TACR1: variants seen among roughly 807,000 people sequenced by gnomAD.
The protein encoded by TACR1 is substance-P receptor.
Under a neutral mutation model 35.8 loss-of-function variants are expected in TACR1, and 25 were observed. The observed-to-expected ratio is 0.70, with a 90% CI of 0.51 to 0.98. TACR1 has a LOEUF of 0.98. Among genes scored for constraint, TACR1 ranks in the 50% least tolerant of loss-of-function variants. The pLI, the probability that TACR1 is intolerant of heterozygous loss-of-function variation, is 0.00. For missense variants in TACR1, 478 were observed against 522.9 expected (o/e 0.91, Z 0.84); for synonymous variants, 195 against 206.7 (o/e 0.94, Z 0.48).
intron 1 of TACR1, among the ~76,000 whole-genome samples, chr2:75,164,938 C>T (rs1423928716): frequency 1.3e-5 from 2 of 152,188 alleles, no homozygotes; most frequent in African/African-American, 4.8e-5. Context: ...GGATCCATGA[C>T]CATGTGACAC....
intron 1 of TACR1, among the ~76,000 whole-genome samples, chr2:75,194,964 G>A (rs988993096): frequency 1.7e-4 from 26 of 151,954 alleles, no homozygotes; most frequent in African/African-American, 5.6e-4. Context: ...CCCTTCTTAG[G>A]TTCTGCTCCA....
chr2:75,190,914 G>T (rs140761611), intron 1 of TACR1, among the ~76,000 whole-genome samples: 143 of 152,308 alleles, frequency 9.4e-4, no homozygotes, highest in African/African-American at 3.0e-3. Flanking sequence ...TGATAAAGCT[G>T]AATTGGAAAG....
At chr2:75,179,719 T>C (rs943757398) in intron 1 of TACR1, among the ~76,000 whole-genome samples, 1 of 152,210 alleles carries the variant, frequency 6.6e-6, no homozygotes, top group Non-Finnish European at 1.5e-5. Flanking sequence ...CTCAGTTCTT[T>C]CCTCCTTAAA....
rs758900745 is a variant in TACR1, at chr2:75,049,562, T to C, written c.1094A>G (p.His365Arg). The change falls in exon 5 of 5, where the codon CAC becomes CGC. Residue 365 changes from histidine (H) to arginine (R), a missense_variant. Coordinates refer to ENST00000305249, the MANE Select transcript of TACR1 (RefSeq NM_001058.4). Reference sequence around the variant, plus strand: ...GGGGCCGTCCTCTGGCTCCTCCTCGTGGGCCCCCACCACTGTGGAGATGGT... The same window carrying C: ...GGGGCCGTCCTCTGGCTCCTCCTCGCGGGCCCCCACCACTGTGGAGATGGT... ...ETTISTVVGA[H>R]EEEPEDGPKA... 1.5e-5 allele frequency: 25 copies of C among 1,614,076 alleles called. No individual in the cohort carries two copies. Among genetic ancestry groups the C allele is most frequent in the Middle Eastern group, 1.6e-4 (1 of 6,084 alleles).
At chr2:75,115,551 G>C (rs765677162) in intron 2 of TACR1, among the ~76,000 whole-genome samples, 2 of 152,116 alleles carry the variant, frequency 1.3e-5, no homozygotes, top group Non-Finnish European at 2.9e-5. Flanking sequence ...ACAATCTAAA[G>C]TCCACCAATA....
chr2:75,137,656 G>C (rs1361774193), intron 1 of TACR1, among the ~76,000 whole-genome samples: 1 of 148,232 alleles, frequency 6.7e-6, no homozygotes, highest in Non-Finnish European at 1.5e-5. Context: ...ATGAACCTGG[G>C]AGGCGGAGCT....
intron 2 of TACR1, among the ~76,000 whole-genome samples, chr2:75,113,259 C>T (rs567518179): frequency 1.6e-4 from 25 of 152,260 alleles, no homozygotes; most frequent in Non-Finnish European, 2.8e-4. Context: ...TCTCTTTCTC[C>T]ATCTGAGGAC....
chr2:75,189,443 G>T (rs1253573165), intron 1 of TACR1: 1 of 152,212 alleles, frequency 6.6e-6, no homozygotes, highest in Non-Finnish European at 1.5e-5. Flanking sequence ...TGTAAGTAGT[G>T]CATGTGTAGT....
intron 2 of TACR1, among the ~76,000 whole-genome samples, chr2:75,110,161 A>T (rs546505428): frequency 6.6e-6 from 1 of 152,252 alleles, no homozygotes. Context: ...AAAAAATCAG[A>T]TGGTATCAGA....
Position 75,085,461 on chromosome 2 carries a change from A to G in TACR1, c.585-31706T>C, listed in dbSNP as rs182592270. On this transcript the variant is annotated intron_variant, in intron 2 of 4. Coordinates refer to ENST00000305249, the MANE Select transcript of TACR1 (RefSeq NM_001058.4). Reference sequence around the variant, plus strand: ...ATATAAACCCATTGGTCCTAGCGCAATCGCACTGGAGGAAGTAGTTACTCT... The same window carrying G: ...ATATAAACCCATTGGTCCTAGCGCAGTCGCACTGGAGGAAGTAGTTACTCT... Among the ~76,000 whole-genome samples, 38 of 152,328 alleles carry G rather than the reference A, an allele frequency of 2.5e-4. 1 individual carries two copies. The highest frequency in any genetic ancestry group is 2.0e-3 in the Admixed American group (31 of 15,302).
At chr2:75,106,621 A>G (rs985392194) in intron 2 of TACR1, among the ~76,000 whole-genome samples, 4 of 151,982 alleles carry the variant, frequency 2.6e-5, no homozygotes, top group African/African-American at 9.6e-5. Context: ...TTTCCTATAA[A>G]TGGAAGTAAA....
chr2:75,088,707 C>A (rs916985813), intron 2 of TACR1, among the ~76,000 whole-genome samples: 13 of 152,108 alleles, frequency 8.5e-5, no homozygotes, highest in African/African-American at 3.1e-4. Flanking sequence ...AGACCACAAT[C>A]ACCATGTGTG....
intron 1 of TACR1, among the ~76,000 whole-genome samples, chr2:75,176,700 C>T: frequency 6.6e-6 from 1 of 152,108 alleles, no homozygotes; most frequent in East Asian, 1.9e-4. Context: ...GTCCTCCCTG[C>T]ACCACCTGCC....
chr2:75,182,531 G>C (rs1675583996), intron 1 of TACR1, among the ~76,000 whole-genome samples: 1 of 152,204 alleles, frequency 6.6e-6, no homozygotes, highest in African/African-American at 2.4e-5. Context: ...AACAGACTAA[G>C]TATATGATGG....
chr2:75,112,864 A>G (rs1015844432), intron 2 of TACR1, among the ~76,000 whole-genome samples: 4 of 152,318 alleles, frequency 2.6e-5, no homozygotes, highest in African/African-American at 9.6e-5. Context: ...GCTCAAAAAC[A>G]TAACATTACT....
intron 4 of TACR1, 52 bp from the exon 5 acceptor site, chr2:75,049,775 G>T (rs760126147): frequency 6.4e-7 from 1 of 1,561,382 alleles, no homozygotes; most frequent in South Asian, 1.2e-5. Flanking sequence ...CTGCTCAGAG[G>T]GCTGCCCACC....
intron 2 of TACR1, among the ~76,000 whole-genome samples, chr2:75,073,588 G>A (rs1672921480): frequency 6.6e-6 from 1 of 152,204 alleles, no homozygotes; most frequent in South Asian, 2.1e-4. Context: ...TGAAGGTCAG[G>A]ATTTCCTTGG....
Position 75,049,561 on chromosome 2 carries a change from G to T in TACR1, c.1095C>A (p.His365Gln), listed in dbSNP as rs150773283. The T allele has an allele frequency of 6.2e-7, 1 of 1,614,184 alleles. No homozygotes were observed. The highest frequency in any genetic ancestry group is 8.5e-7 in the Non-Finnish European group (1 of 1,179,988). Residue 365 changes from histidine (H) to glutamine (Q), a missense_variant, in exon 5 of 5, where the codon CAC becomes CAA. By Grantham distance (24) the His-to-Gln change is conservative. Transcript: ENST00000305249. ...ETTISTVVGA[H>Q]EEEPEDGPKA... ...TGGGGCCGTCCTCTGGCTCCTCCTC[G>T]TGGGCCCCCACCACTGTGGAGATGG...
At chr2:75,095,475 G>A (rs889681667) in intron 2 of TACR1, among the ~76,000 whole-genome samples, 1 of 152,200 alleles carries the variant, frequency 6.6e-6, no homozygotes, top group Non-Finnish European at 1.5e-5. Context: ...GAAGGGTAGG[G>A]TTGGATCAGC....
Sources: allele counts gnomAD v4.1 joint callset (sites outside exome capture counted in the v4.1 genomes callset), GRCh38; gene constraint gnomAD v4.1.1; transcripts MANE v1.5; gene names NCBI Gene and HGNC (gene_info 2026-07-23, HGNC 2026-07-21).